The following RASA3 variants were observed in gnomAD, a reference collection of about 807,000 sequenced individuals.
RASA3 encodes RAS p21 protein activator 3.
RASA3 carries 73 observed loss-of-function variants against 110.0 expected under a neutral mutation model. That is an observed-to-expected ratio of 0.66 (90% CI 0.55 to 0.81). The LOEUF is 0.81. Among genes scored for constraint, RASA3 ranks in the 30% least tolerant of loss-of-function variants. The probability of loss-of-function intolerance (pLI) is 0.00; values close to 1 mark genes in which losing one functional copy is unlikely to be tolerated. For synonymous variants in RASA3, 500 were observed against 451.4 expected, an observed-to-expected ratio of 1.11 and a Z score of -1.37; for missense variants, 976 against 1,113.2, an observed-to-expected ratio of 0.88 and a Z score of 1.75.
intron 13 of RASA3, 100 bp downstream of exon 13, chr13:114,016,097 C>T: frequency 1.8e-6 from 2 of 1,091,976 alleles, no homozygotes; most frequent in South Asian, 2.6e-5. Flanking sequence ...TGCTCCCACC[C>T]CAACCGGGGT....
chr13:114,106,150 G>C (rs1206294813), intron 1 of RASA3, among the ~76,000 whole-genome samples: 3 of 152,200 alleles, frequency 2.0e-5, no homozygotes, highest in South Asian at 2.1e-4. Context: ...CTTTTCCGAT[G>C]AACTTTCAAT....
chr13:113,998,144 G>A (rs947769517), intron 20 of RASA3, among the ~76,000 whole-genome samples: 4 of 152,180 alleles, frequency 2.6e-5, no homozygotes, highest in African/African-American at 9.7e-5. Context: ...TGAAGGGCTG[G>A]AGGTGCTTCC....
rs2139289560 is a variant in RASA3 at position 114,016,209 on chromosome 13, A to G, written c.1269T>C (p.Leu423=). 6.3e-7 allele frequency: 1 copy of G among 1,592,958 alleles called. No homozygotes were observed. The highest frequency in any genetic ancestry group is 8.6e-7 in the Non-Finnish European group (1 of 1,160,970). The change falls in exon 13 of 24, where the codon CTT becomes CTC. Residue 423 remains leucine, a synonymous_variant. Transcript: ENST00000334062. ...GAACAAAACCTACCATGTTGTTTTC[A>G]AGGTTTTCTCCGTCTTTCAACTTCA... ...DPVKLKDGEN[L]ENNMENLRQY...
chr13:114,082,678 T>C (rs554020407), intron 1 of RASA3, among the ~76,000 whole-genome samples: 14 of 152,298 alleles, frequency 9.2e-5, no homozygotes, highest in African/African-American at 3.4e-4. Context: ...ACAACTTTCC[T>C]TAACCCAAGC....
At position 114,126,244 on chromosome 13, in the gene RASA3, C is replaced by T. The variant is rs540464251; in HGVS notation, c.55+6191G>A. Among the ~76,000 whole-genome samples the T allele has an allele frequency of 5.3e-5, 8 of 152,318 alleles. No individual in the cohort carries two copies. The East Asian group carries it at 9.6e-4, about 18-fold the overall frequency. On this transcript the variant is annotated intron_variant, in intron 1 of 23. Coordinates refer to ENST00000334062, the MANE Select transcript of RASA3 (RefSeq NM_007368.4). ...CACCCTCCAGAGGTACCGGCACCTG[C>T]GGGGCATGACACCACATCCCCACGG...
In RASA3 at chr13:113,978,710, G is replaced by C. The variant is rs1159824538; in HGVS notation, c.*637C>G. 1 of 152,732 alleles carries C rather than the reference G, an allele frequency of 6.5e-6. No individual in the cohort carries two copies. The allele number at this position is 152,732 out of a possible 1,614,324, so 9.5% of individuals were successfully genotyped here. ...CCCCCAAGCACCAAGGACATCCTCA[G>C]ACTGGGACTTCTGTGTAATTCTGCA... On this transcript the variant is annotated 3_prime_UTR_variant, in exon 24 of 24. Transcript: ENST00000334062.
intron 4 of RASA3, among the ~76,000 whole-genome samples, chr13:114,034,358 A>G (rs1378118335): frequency 6.6e-6 from 1 of 152,250 alleles, no homozygotes; most frequent in Admixed American, 6.5e-5. Context: ...CGGGAGCTTC[A>G]GGAAGAGTCA....
intron 1 of RASA3, among the ~76,000 whole-genome samples, chr13:114,076,883 G>C (rs2079694039): frequency 6.6e-6 from 1 of 152,190 alleles, no homozygotes; most frequent in Non-Finnish European, 1.5e-5. Context: ...CTTTCCTTCT[G>C]ACACCTTTAC....
chr13:114,031,232 T>G (rs895259672), intron 4 of RASA3, among the ~76,000 whole-genome samples: 1 of 150,648 alleles, frequency 6.6e-6, no homozygotes, highest in African/African-American at 2.5e-5. Flanking sequence ...TGCGTGTCCG[T>G]CTGTGTGCAC....
rs373231993 is a variant in RASA3, at chr13:113,981,800, G to A, written c.2304C>T (p.Phe768=). The A allele has an allele frequency of 7.1e-5, 114 of 1,613,858 alleles. No homozygotes were observed. Among genetic ancestry groups the A allele is most frequent in the Admixed American group, 1.7e-4 (10 of 59,994 alleles). ...AGGTCTCCTGGGGGTCGTCAATGAC[G>A]AACGTCGAATACTCCTCCTGCTCCG... ...DGPEQEEYST[F]VIDDPQETYK... Residue 768 remains phenylalanine, a synonymous_variant, in exon 23 of 24, where the codon TTC becomes TTT. Transcript: ENST00000334062.
chr13:114,002,289 A>T (rs1184736882), intron 18 of RASA3, among the ~76,000 whole-genome samples: 2 of 152,234 alleles, frequency 1.3e-5, no homozygotes, highest in Admixed American at 1.3e-4. Context: ...GTGGACGCAC[A>T]CCGGAGGGTG....
chr13:114,105,510 G>T (rs2080121255), intron 1 of RASA3, among the ~76,000 whole-genome samples: 1 of 152,156 alleles, frequency 6.6e-6, no homozygotes, highest in South Asian at 2.1e-4. Context: ...AGCAGCACTG[G>T]CAGCCCCCCT....
At chr13:114,100,477 G>A (rs371181337) in intron 1 of RASA3, among the ~76,000 whole-genome samples, 28 of 152,360 alleles carry the variant, frequency 1.8e-4, no homozygotes, top group Middle Eastern at 6.8e-3. Context: ...GGCGGAGGAC[G>A]TGATGCTCAG....
intron 18 of RASA3, among the ~76,000 whole-genome samples, chr13:114,005,743 C>T (rs562247811): frequency 2.6e-5 from 4 of 151,912 alleles, no homozygotes; most frequent in African/African-American, 7.2e-5. Context: ...CCCTTTCTCC[C>T]CTCCGGCCCT....
chr13:113,979,513 T>G, intron 23 of RASA3, 91 bp from the exon 24 acceptor site: 2 of 1,029,126 alleles, frequency 1.9e-6, no homozygotes, highest in Admixed American at 3.5e-5. Flanking sequence ...TTCCTAAATG[T>G]GACACACTCA....
chr13:114,022,134 G>A (rs555054488), intron 8 of RASA3, among the ~76,000 whole-genome samples: 2 of 152,280 alleles, frequency 1.3e-5, no homozygotes, highest in East Asian at 3.9e-4. Flanking sequence ...ACAGCGGGGG[G>A]AGAACTGTGG....
intron 3 of RASA3, among the ~76,000 whole-genome samples, chr13:114,051,361 G>A (rs2079143827): frequency 6.6e-6 from 1 of 152,230 alleles, no homozygotes; most frequent in African/African-American, 2.4e-5. Context: ...GAATTAGCCT[G>A]ATCCCTCAGC....
chr13:114,079,424 C>T (rs1352668112), intron 1 of RASA3, among the ~76,000 whole-genome samples: 1 of 152,212 alleles, frequency 6.6e-6, no homozygotes, highest in Non-Finnish European at 1.5e-5. Flanking sequence ...TCAAGGCTCC[C>T]AACCTCAGCC....
intron 22 of RASA3, among the ~76,000 whole-genome samples, chr13:113,982,452 C>T (rs1038276314): frequency 4.6e-5 from 7 of 152,372 alleles, no homozygotes; most frequent in Non-Finnish European, 1.0e-4. Context: ...ACCGGGGCCA[C>T]CTTCCTAATC....
Sources: allele counts gnomAD v4.1 joint callset (sites outside exome capture counted in the v4.1 genomes callset), GRCh38; gene constraint gnomAD v4.1.1; transcripts MANE v1.5; gene names NCBI Gene and HGNC (gene_info 2026-07-23, HGNC 2026-07-21).